CANT1: variants seen among roughly 807,000 people sequenced by gnomAD.
The protein encoded by CANT1 is soluble calcium-activated nucleotidase 1.
CANT1 carries 26 observed loss-of-function variants against 30.0 expected under a neutral mutation model. The ratio of observed to expected loss-of-function variants is 0.87; its 90% CI spans 0.64 to 1.20. The LOEUF is 1.20. CANT1 is among the 50% of genes most tolerant of loss of function. CANT1 has a pLI of 0.00. For synonymous variants in CANT1, 246 were observed against 251.8 expected (o/e 0.98, Z 0.22); for missense variants, 518 against 563.0 (o/e 0.92, Z 0.81).
At chr17:79,007,179 T>C (rs776477128) in intron 1 of CANT1, among the ~76,000 whole-genome samples, 3 of 152,208 alleles carry the variant, frequency 2.0e-5, no homozygotes, top group Admixed American at 6.5e-5. Context: ...CAAACAGACT[T>C]CTCTACTGCC....
intron 1 of CANT1, among the ~76,000 whole-genome samples, chr17:79,007,625 G>T (rs1425359971): frequency 6.6e-6 from 1 of 152,152 alleles, no homozygotes; most frequent in Non-Finnish European, 1.5e-5. Flanking sequence ...CAGGTGGCAG[G>T]GTAAAAACAC....
intron 1 of CANT1, among the ~76,000 whole-genome samples, chr17:79,004,280 AGG>A (rs1386522744): frequency 4.2e-5 from 1 of 23,906 alleles, no homozygotes; most frequent in African/African-American, 1.6e-4. Context: ...GGAGTTAGGG[AGG>A]GGGGAGTTAG....
In CANT1 at chr17:78,993,629, G is replaced by A. The variant is rs778123045; in HGVS notation, c.1127C>T (p.Ala376Val). 1.9e-6 allele frequency: 3 copies of A among 1,614,262 alleles called. No individual in the cohort carries two copies. Among genetic ancestry groups the A allele is most frequent in the South Asian group, 2.2e-5 (2 of 91,092 alleles). ...CAGGAAGCGCCCGTCCAGCGTGAAG[G>A]CCATGATGTAGGAGGCGACTCTGCC... ...DSGRVASYIM[A>V]FTLDGRFLLP... The change falls in exon 5 of 5, where the codon GCC becomes GTC. Residue 376 changes from alanine to valine, a missense_variant. Ala to Val is a moderately conservative substitution (Grantham distance 64, BLOSUM62 0). Around this residue, in one of 3 missense-constraint regions of CANT1, gnomAD observed 221 missense variants for 211.8 expected, o/e 1.04. Coordinates refer to ENST00000392446, the MANE Select transcript of CANT1 (RefSeq NM_001159773.2). This position sits in a 1 kb window ranked among gnomAD's most constrained non-coding sequence, Gnocchi z 4.5.
intron 1 of CANT1, among the ~76,000 whole-genome samples, chr17:78,999,913 A>C (rs547625002): frequency 4.1e-4 from 63 of 152,220 alleles, no homozygotes; most frequent in African/African-American, 1.4e-3. Flanking sequence ...TTGGCCTCCC[A>C]AAGTGCCAGG....
At chr17:79,007,552 C>A (rs922659172) in intron 1 of CANT1, among the ~76,000 whole-genome samples, 1 of 152,170 alleles carries the variant, frequency 6.6e-6, no homozygotes. Flanking sequence ...ACCGAGACTC[C>A]GAGGACGGGC....
rs937282994 is a variant in CANT1 at position 78,993,046 on chromosome 17, A to G, written c.*504T>C. 1.5e-5 allele frequency: 5 copies of G among 328,650 alleles called. No homozygotes were observed. The Admixed American group carries it at 2.3e-4, about 15-fold the overall frequency. 20.4% of individuals were successfully genotyped at this position (328,650 alleles called of 1,614,324 possible). Reference sequence around the variant, plus strand: ...GCCTGCCCTCACTCGTGACCATGCAATACCCTGCAACATAAACATTTTCTT... The same window carrying G: ...GCCTGCCCTCACTCGTGACCATGCAGTACCCTGCAACATAAACATTTTCTT... On this transcript the variant is annotated 3_prime_UTR_variant, in exon 5 of 5. Transcript: ENST00000392446. This position sits in a 1 kb window ranked among gnomAD's most constrained non-coding sequence, Gnocchi z 4.5.
Position 78,995,786 on chromosome 17 carries a change from C to T in CANT1, c.632-565G>A, listed in dbSNP as rs2071015804. ...CTACCGTGTATTCTTATCATCCCTA[C>T]ACCCTGGTGTTCTAACTTCTGTTTG... On this transcript the variant is annotated intron_variant, in intron 3 of 4. Coordinates refer to ENST00000392446, the MANE Select transcript of CANT1 (RefSeq NM_001159773.2). The surrounding 1 kb of genome is among the most constrained non-coding windows in gnomAD (Gnocchi z 5.7). Among the ~76,000 whole-genome samples the T allele has an allele frequency of 6.6e-6, 1 of 152,184 alleles. No individual in the cohort carries two copies. Among genetic ancestry groups the T allele is most frequent in the Non-Finnish European group, 1.5e-5 (1 of 68,032 alleles).
chr17:78,997,599 G>A lies in CANT1; in HGVS notation c.24C>T (p.His8=). The A allele has an allele frequency of 6.4e-7, 1 of 1,566,632 alleles. No homozygotes were observed. The highest frequency in any genetic ancestry group is 1.2e-5 in the South Asian group (1 of 83,750). Residue 8 remains histidine, a synonymous_variant, in exon 3 of 5, where the codon CAC becomes CAT. Coordinates refer to ENST00000392446, the MANE Select transcript of CANT1 (RefSeq NM_001159773.2). The surrounding 1 kb of genome is among the most constrained non-coding windows in gnomAD (Gnocchi z 7.5). MPVQLSE[H]PEWNESMHSL... ...AGTGCATAGACTCATTCCATTCCGG[G>A]TGCTCAGACAGCTGCACGGGCATCA...
At chr17:79,000,713 TC>T (rs2071225940) in intron 1 of CANT1, among the ~76,000 whole-genome samples, 1 of 152,100 alleles carries the variant, frequency 6.6e-6, no homozygotes, top group African/African-American at 2.4e-5. Flanking sequence ...AGCCTGCAGT[TC>T]CCCCTGCCTG....
Sources: gnomAD v4.1 joint callset for allele counts (sites outside exome capture counted in the v4.1 genomes callset) on GRCh38, gnomAD v4.1.1 for gene constraint, gnomAD v4.1.1 regional missense constraint, Gnocchi (gnomAD v3.1) non-coding constraint, MANE v1.5 for transcripts, NCBI Gene and HGNC (gene_info 2026-07-23, HGNC 2026-07-21) for gene names.